Variants in CPM observed in about 807,000 individuals in gnomAD.
The protein encoded by CPM is renal carboxypeptidase.
In CPM, 35 loss-of-function variants were observed where a neutral mutation model predicts 46.4. That is an observed-to-expected ratio of 0.75 (90% CI 0.58 to 1.00). CPM has a LOEUF of 1.00. Among genes scored for constraint, CPM ranks in the 50% least tolerant of loss-of-function variants. CPM has a pLI of 0.00. For missense variants in CPM, 422 were observed against 530.4 expected (o/e 0.80, Z 2.01); for synonymous variants, 195 against 195.3 (o/e 1.00, Z 0.01).
chr12:68,849,104 T>A (rs934592293), downstream of CPM: 5 of 151,484 alleles, frequency 3.3e-5, no homozygotes, highest in African/African-American at 1.2e-4. Flanking sequence ...TTTTTTTTTT[T>A]TTTTTGAGAT....
rs1884862142 is a variant in CPM, at chr12:68,854,301, T to C, written c.*2136A>G. The C allele has an allele frequency of 2.0e-5, 3 of 152,210 alleles. No homozygotes were observed. Among genetic ancestry groups the C allele is most frequent in the African/African-American group, 7.2e-5 (3 of 41,448 alleles). 9.4% of individuals were successfully genotyped at this position (152,210 alleles called of 1,614,324 possible). A position where few individuals can be genotyped will look rare whatever the true frequency, so the allele number is the denominator to read the frequency against. On this transcript the variant is annotated 3_prime_UTR_variant, in exon 9 of 9. Coordinates refer to ENST00000551568, the MANE Select transcript of CPM (RefSeq NM_198320.5). Reference sequence around the variant, plus strand: ...ACCCCTTGTTCATTCATTCATTCAGTACCTACTATGTGCTAGGCTTTGAGG... The same window carrying C: ...ACCCCTTGTTCATTCATTCATTCAGCACCTACTATGTGCTAGGCTTTGAGG...
At chr12:68,875,803 C>CAAAAA (rs34998099) in intron 3 of CPM, among the ~76,000 whole-genome samples, 4 of 110,274 alleles carry the variant, frequency 3.6e-5, no homozygotes, top group Non-Finnish European at 8.0e-5. Flanking sequence ...GACTCTGTCT[C>CAAAAA]AAAAAAAAAA....
At chr12:68,878,685 T>G (rs1886060512) in intron 3 of CPM, among the ~76,000 whole-genome samples, 1 of 152,242 alleles carries the variant, frequency 6.6e-6, no homozygotes, top group African/African-American at 2.4e-5. Context: ...TCCGGTCTCC[T>G]GTTTAGTTGG....
rs1333667936 is a variant in CPM at position 68,921,388 on chromosome 12, C to T, written c.160+11290G>A. On this transcript the variant is annotated intron_variant, in intron 2 of 8. Transcript: ENST00000551568. ...CACTCCTGGCCTCAAGTGATCCACC[C>T]GCCTCAGCCTCCCAAAGTGCTGGAG... Among the ~76,000 whole-genome samples, 5 of 152,156 alleles carry T rather than the reference C, an allele frequency of 3.3e-5. No individual in the cohort carries two copies. In the South Asian group the frequency reaches 8.3e-4, roughly 25 times the overall value.
rs117010282 is a variant in CPM at position 68,923,535 on chromosome 12, A to C, written c.160+9143T>G. Among the ~76,000 whole-genome samples the C allele has an allele frequency of 1.6e-3, 244 of 152,314 alleles. 5 individuals carry two copies. In the East Asian group the frequency reaches 0.043, roughly 27 times the overall value. ...CTATCAGATGATGCCTCTTGCTTTC[A>C]TATCCAATATTTTGCAACTTCTATT... is the stretch of plus-strand genomic sequence containing the variant. On this transcript the variant is annotated intron_variant, in intron 2 of 8. Coordinates refer to ENST00000551568, the MANE Select transcript of CPM (RefSeq NM_198320.5).
At chr12:68,865,691 A>G (rs1565769176) in intron 7 of CPM, among the ~76,000 whole-genome samples, 1 of 152,004 alleles carries the variant, frequency 6.6e-6, no homozygotes, top group Non-Finnish European at 1.5e-5. Flanking sequence ...CCAATTCCTG[A>G]TATGTTTCTC....
chr12:68,843,327 A>G (rs1565752431), intron 5 of CPM: 1 of 230,178 alleles, frequency 4.3e-6, no homozygotes, highest in Admixed American at 5.7e-5. Flanking sequence ...TAGGGTGACT[A>G]TAGTTAATGT....
chr12:68,904,710 A>T (rs1257059136), intron 2 of CPM, among the ~76,000 whole-genome samples: 2 of 152,228 alleles, frequency 1.3e-5, no homozygotes, highest in Admixed American at 6.5e-5. Context: ...GGTGGGCACA[A>T]GATCACACAA....
intron 3 of CPM, among the ~76,000 whole-genome samples, chr12:68,880,059 T>C (rs1303770043): frequency 6.6e-6 from 1 of 151,774 alleles, no homozygotes; most frequent in African/African-American, 2.4e-5. Context: ...CATACAGGAA[T>C]GGCAGAGAAC....
downstream of CPM, chr12:68,847,092 C>T (rs529746680): frequency 1.4e-5 from 2 of 147,754 alleles, no homozygotes; most frequent in South Asian, 4.2e-4. Context: ...GGAACACAGG[C>T]CTGTTGCCAC....
At chr12:68,858,580 C>A (rs932938995) in intron 8 of CPM, among the ~76,000 whole-genome samples, 3 of 151,968 alleles carry the variant, frequency 2.0e-5, no homozygotes, top group Non-Finnish European at 4.4e-5. Context: ...GGTGTTGTGT[C>A]GTATCCTGGG....
intron 2 of CPM, among the ~76,000 whole-genome samples, chr12:68,910,495 A>C (rs1242791196): frequency 6.6e-6 from 1 of 152,220 alleles, no homozygotes; most frequent in Non-Finnish European, 1.5e-5. Context: ...AAAGGTTGTA[A>C]AATACTCCAT....
At chr12:68,938,219 T>G (rs1470627884) in intron 1 of CPM, among the ~76,000 whole-genome samples, 1 of 152,090 alleles carries the variant, frequency 6.6e-6, no homozygotes, top group African/African-American at 2.4e-5. Context: ...AATTTTAAAC[T>G]TACAAATTTT....
In CPM at chr12:68,922,310, A is replaced by C. The variant is rs146024877; in HGVS notation, c.160+10368T>G. On this transcript the variant is annotated intron_variant, in intron 2 of 8. Coordinates refer to ENST00000551568, the MANE Select transcript of CPM (RefSeq NM_198320.5). ...ATTATGTGGGAAAGGAGGCTTAGTT[A>C]TGTGTTTGAATAACTGTCAATTCAT... Among the ~76,000 whole-genome samples the C allele has an allele frequency of 4.9e-4, 75 of 152,358 alleles. 1 individual carries two copies. Among genetic ancestry groups the C allele is most frequent in the Non-Finnish European group, 9.4e-4 (64 of 68,026 alleles).
At chr12:68,962,044 CA>C (rs1186661101) in intron 1 of CPM, among the ~76,000 whole-genome samples, 2 of 151,740 alleles carry the variant, frequency 1.3e-5, no homozygotes, top group East Asian at 3.9e-4. Flanking sequence ...ACTGAAAATA[CA>C]AAAAATTAGC....
intron 1 of CPM, among the ~76,000 whole-genome samples, chr12:68,958,504 T>C (rs1390783773): frequency 6.6e-6 from 1 of 152,086 alleles, no homozygotes; most frequent in Non-Finnish European, 1.5e-5. Context: ...CCAGGAGTCT[T>C]TGACTCTCCA....
intron 5 of CPM, chr12:68,843,698 ACTCTCTCTCT>A (rs112584632): frequency 9.7e-6 from 2 of 205,166 alleles, no homozygotes; most frequent in African/African-American, 4.6e-5. Flanking sequence ...TTGCTTCAAA[ACTCTCTCTCT>A]CTCTCTCTGT....
chr12:68,907,921 C>T (rs753755702), intron 2 of CPM, among the ~76,000 whole-genome samples: 14 of 152,118 alleles, frequency 9.2e-5, no homozygotes, highest in African/African-American at 1.9e-4. Context: ...CTCCGCCTCC[C>T]GGATTTAAGT....
intron 1 of CPM, among the ~76,000 whole-genome samples, chr12:68,939,005 G>A (rs1323757283): frequency 6.8e-6 from 1 of 146,666 alleles, no homozygotes; most frequent in African/African-American, 2.5e-5. Context: ...AAATATATCT[G>A]TAAGTATATA....
Sources: allele counts gnomAD v4.1 joint callset (sites outside exome capture counted in the v4.1 genomes callset), GRCh38; gene constraint gnomAD v4.1.1; transcripts MANE v1.5; gene names NCBI Gene and HGNC (gene_info 2026-07-23, HGNC 2026-07-21).